Variants in SCYL3 observed in about 807,000 individuals in gnomAD.
SCYL3 encodes SCY1 like pseudokinase 3, also known as protein-associating with the carboxyl-terminal domain of ezrin.
A neutral mutation model predicts 73.8 loss-of-function variants in SCYL3; 35 were observed. The ratio of observed to expected loss-of-function variants is 0.47; its 90% CI spans 0.36 to 0.63. The LOEUF is 0.63. Among genes scored for constraint, SCYL3 ranks in the 20% least tolerant of loss-of-function variants. The pLI is 0.00. For missense variants in SCYL3, 712 were observed against 798.9 expected (o/e 0.89, Z 1.31); for synonymous variants, 277 against 295.2 (o/e 0.94, Z 0.63).
chr1:169,856,611 G>A (rs1659189772), intron 11 of SCYL3, among the ~76,000 whole-genome samples: 1 of 152,048 alleles, frequency 6.6e-6, no homozygotes, highest in South Asian at 2.1e-4. Flanking sequence ...CAGCACTCAG[G>A]CCAGGCCTCT....
At position 169,888,842 on chromosome 1, in the gene SCYL3, C is replaced by A; in HGVS notation, c.-2G>T. The A allele has an allele frequency of 1.2e-6, 2 of 1,600,808 alleles. No individual in the cohort carries two copies. The highest frequency in any genetic ancestry group is 1.7e-6 in the Non-Finnish European group (2 of 1,173,296). ...TAAAGCACTGTTCTCTGATCCCATC[C>A]CTTATGCAGTGAGGCAGTACTGCCA... On this transcript the variant is annotated 5_prime_UTR_variant, in exon 2 of 13. Coordinates refer to ENST00000367771, the MANE Select transcript of SCYL3 (RefSeq NM_020423.7).
intron 1 of SCYL3, among the ~76,000 whole-genome samples, chr1:169,892,082 G>A (rs1412877635): frequency 6.6e-6 from 1 of 152,218 alleles, no homozygotes; most frequent in Non-Finnish European, 1.5e-5. Context: ...GATACCATCA[G>A]TGTAATACTG....
rs191143285 is a variant in SCYL3, at chr1:169,886,612, G to C, written c.165+2064C>G. ...TAAGCTTTAATAAGCTTACCACAAA[G>C]CCCTAACTAAACACTTAGATTACAG... On this transcript the variant is annotated intron_variant, in intron 2 of 12. Coordinates refer to ENST00000367771, the MANE Select transcript of SCYL3 (RefSeq NM_020423.7). Among the ~76,000 whole-genome samples the C allele has an allele frequency of 2.6e-3, 389 of 152,254 alleles. 2 individuals carry two copies. Among genetic ancestry groups the C allele is most frequent in the African/African-American group, 8.4e-3 (350 of 41,536 alleles).
chr1:169,886,236 G>A (rs992207064), intron 2 of SCYL3, among the ~76,000 whole-genome samples: 24 of 152,052 alleles, frequency 1.6e-4, no homozygotes, highest in African/African-American at 5.1e-4. Context: ...ACTTCAACCC[G>A]GGAGGCAGAG....
chr1:169,886,000 C>CA (rs1661654972), intron 2 of SCYL3, among the ~76,000 whole-genome samples: 1 of 151,962 alleles, frequency 6.6e-6, no homozygotes, highest in Non-Finnish European at 1.5e-5. Flanking sequence ...TTATGAAGGG[C>CA]AAAAAATAAT....
At position 169,888,879 on chromosome 1, in the gene SCYL3, A is replaced by C. The variant is rs918587496; in HGVS notation, c.-39T>G. 3 of 1,520,076 alleles carry C rather than the reference A, an allele frequency of 2.0e-6. No individual in the cohort carries two copies. The highest frequency in any genetic ancestry group is 1.8e-6 in the Non-Finnish European group (2 of 1,129,502). The allele number at this position is 1,520,076 out of a possible 1,614,324, so 94.2% of individuals were successfully genotyped here. Reference sequence around the variant, plus strand: ...AGGCAGTACTGCCACTCTTCCTCAAAGCCAAGCAGATCTAAAAGAAAACAG... The same window carrying C: ...AGGCAGTACTGCCACTCTTCCTCAACGCCAAGCAGATCTAAAAGAAAACAG... On this transcript the variant is annotated 5_prime_UTR_variant, in exon 2 of 13. Transcript: ENST00000367771.
rs752749440 is a variant in SCYL3 at position 169,854,504 on chromosome 1, C to A, written c.1773G>T (p.Arg591Ser). Residue 591 changes from arginine (R) to serine (S), a missense_variant, in exon 12 of 13, where the codon AGG becomes AGT. Physicochemically the swap from Arg to Ser is moderately radical, Grantham distance 110. Coordinates refer to ENST00000367771, the MANE Select transcript of SCYL3 (RefSeq NM_020423.7). The part of the protein sequence containing the change: ...IEPPKVSSQE[R>S]PLKVPSELGL... ...CAAGTTCTGATGGAACCTTAAGGGG[C>A]CTTTCTTGTGATGACACTTTTGGCG... is the stretch of plus-strand genomic sequence containing the variant. The A allele has an allele frequency of 3.7e-6, 6 of 1,613,878 alleles. No individual in the cohort carries two copies. The highest frequency in any genetic ancestry group is 2.5e-6 in the Non-Finnish European group (3 of 1,179,976).
At chr1:169,892,418 C>T (rs984805400) in intron 1 of SCYL3, among the ~76,000 whole-genome samples, 2 of 152,102 alleles carry the variant, frequency 1.3e-5, no homozygotes, top group African/African-American at 4.8e-5. Flanking sequence ...GCCACCATGC[C>T]CGCCAGTGCT....
chr1:169,875,566 C>CCT, intron 4 of SCYL3, among the ~76,000 whole-genome samples: 1 of 152,264 alleles, frequency 6.6e-6, no homozygotes, highest in Non-Finnish European at 1.5e-5. Context: ...ATGTGCCAGG[C>CCT]ACTATTCTAG....
intron 10 of SCYL3, among the ~76,000 whole-genome samples, chr1:169,860,963 G>A (rs12136425): frequency 6.6e-6 from 1 of 152,134 alleles, no homozygotes; most frequent in Non-Finnish European, 1.5e-5. Context: ...GTAATGAGAG[G>A]TTTCATTGTC....
intron 5 of SCYL3, among the ~76,000 whole-genome samples, chr1:169,871,788 T>C (rs907435413): frequency 2.6e-5 from 4 of 152,172 alleles, no homozygotes; most frequent in African/African-American, 9.7e-5. Flanking sequence ...GTGACTCTTG[T>C]TATGTTTTAG....
intron 10 of SCYL3, among the ~76,000 whole-genome samples, chr1:169,861,574 T>C (rs1648756485): frequency 6.6e-6 from 1 of 152,200 alleles, no homozygotes; most frequent in South Asian, 2.1e-4. Context: ...GTCCAGTCAA[T>C]CCAAAGAATC....
At chr1:169,869,278 T>G in intron 6 of SCYL3, 1 of 500,270 alleles carries the variant, frequency 2.0e-6, no homozygotes, top group South Asian at 2.3e-5. Context: ...CCCTCTCATT[T>G]CCTGATTATC....
At chr1:169,887,522 C>T (rs1444711709) in intron 2 of SCYL3, among the ~76,000 whole-genome samples, 1 of 152,064 alleles carries the variant, frequency 6.6e-6, no homozygotes, top group Non-Finnish European at 1.5e-5. Context: ...TAACAGGAGG[C>T]ATGTTAGACA....
rs745746402 is a variant in SCYL3, at chr1:169,878,735, G to A, written c.250C>T (p.Arg84Ter). Residue 84 changes from arginine (R) to a stop codon, truncating the protein, a stop_gained, in exon 3 of 13, where the codon CGA becomes TGA. Transcript: ENST00000367771. LOFTEE classifies it high-confidence loss of function. The stretch of plus-strand genomic sequence containing the variant: ...AAAGCCACTTCCAGGGGCTGTACTC[G>A]CTCAGTGACAAGATGAATGCCATCC... Reference protein sequence around the residue: ...EADGIHLVTERVQPLEVALET... With the variant: ...EADGIHLVTE 2 of 1,614,030 alleles carry A rather than the reference G, an allele frequency of 1.2e-6. No individual in the cohort carries two copies. The highest frequency in any genetic ancestry group is 2.2e-5 in the East Asian group (1 of 44,880).
intron 2 of SCYL3, among the ~76,000 whole-genome samples, chr1:169,884,453 A>G (rs1373158096): frequency 6.6e-6 from 1 of 151,864 alleles, no homozygotes; most frequent in Non-Finnish European, 1.5e-5. Flanking sequence ...GCCCACCACC[A>G]TGCCTGGCTA....
intron 2 of SCYL3, among the ~76,000 whole-genome samples, chr1:169,884,287 T>G (rs577262165): frequency 6.6e-6 from 1 of 152,198 alleles, no homozygotes; most frequent in South Asian, 2.1e-4. Context: ...TTTACAAGTG[T>G]TTTTTTATTT....
At chr1:169,890,216 T>C (rs1281688988) in intron 1 of SCYL3, among the ~76,000 whole-genome samples, 3 of 152,264 alleles carry the variant, frequency 2.0e-5, no homozygotes, top group South Asian at 2.1e-4. Flanking sequence ...AGAGCCTGAA[T>C]AGTTTTGTGG....
intron 9 of SCYL3, 105 bp downstream of exon 9, chr1:169,864,264 G>A (rs1659869107): frequency 6.9e-7 from 1 of 1,458,890 alleles, no homozygotes; most frequent in Non-Finnish European, 9.5e-7. Flanking sequence ...TCCGTTTTTA[G>A]AACCAAACAT....
Sources: gnomAD v4.1 joint callset for allele counts (sites outside exome capture counted in the v4.1 genomes callset) on GRCh38, gnomAD v4.1.1 for gene constraint, MANE v1.5 for transcripts, NCBI Gene and HGNC (gene_info 2026-07-23, HGNC 2026-07-21) for gene names.